The following IGBP1C variants were observed in gnomAD, a reference collection of about 807,000 sequenced individuals.
IGBP1C encodes the protein IGBP1 family member C.
the IGBP1C span, among the ~76,000 whole-genome samples, chr17:58,683,925 C>T: frequency 6.6e-6 from 1 of 150,818 alleles, no homozygotes; most frequent in Non-Finnish European, 1.5e-5. Flanking sequence ...ATTAGCTGGG[C>T]GTGGTGGTGC....
chr17:58,669,659 G>A, the IGBP1C span, among the ~76,000 whole-genome samples: 1 of 146,898 alleles, frequency 6.8e-6, no homozygotes, highest in Non-Finnish European at 1.5e-5. Flanking sequence ...ACTTGAACCT[G>A]GGAGGCAGAG....
At chr17:58,690,937 G>C in the IGBP1C span, among the ~76,000 whole-genome samples, 1 of 152,112 alleles carries the variant, frequency 6.6e-6, no homozygotes, top group Non-Finnish European at 1.5e-5. Flanking sequence ...CGTGATCATA[G>C]CTCACTCCCA....
At chr17:58,672,679 C>T in the IGBP1C span, among the ~76,000 whole-genome samples, 1 of 150,942 alleles carries the variant, frequency 6.6e-6, no homozygotes, top group African/African-American at 2.4e-5. Context: ...TCCTTGGCCA[C>T]CCAAAGTGCT....
the IGBP1C span, among the ~76,000 whole-genome samples, chr17:58,671,834 C>G: frequency 6.6e-6 from 1 of 152,142 alleles, no homozygotes; most frequent in Admixed American, 6.6e-5. Flanking sequence ...CAGAGAAGCT[C>G]ATCCCTCAAT....
chr17:58,661,576 G>A, the IGBP1C span: 1 of 734,704 alleles, frequency 1.4e-6, no homozygotes, highest in Non-Finnish European at 2.5e-6. Context: ...GCGGCGGCAG[G>A]AACTCGTCTT....
chr17:58,670,432 A>T, the IGBP1C span, among the ~76,000 whole-genome samples: 1 of 152,002 alleles, frequency 6.6e-6, no homozygotes, highest in African/African-American at 2.4e-5. Flanking sequence ...ATTAAAAAAA[A>T]AAACAACAAA....
the IGBP1C span, among the ~76,000 whole-genome samples, chr17:58,672,983 C>G: frequency 6.6e-6 from 1 of 151,856 alleles, no homozygotes; most frequent in South Asian, 2.1e-4. Context: ...CTGCTAGCCT[C>G]GAACTCCCAA....
At chr17:58,664,619 A>C in the IGBP1C span, among the ~76,000 whole-genome samples, 2 of 152,136 alleles carry the variant, frequency 1.3e-5, no homozygotes, top group African/African-American at 4.8e-5. Flanking sequence ...GGGAAAACAG[A>C]CTTGCCAGAC....
At chr17:58,662,411 T>C in the IGBP1C span, among the ~76,000 whole-genome samples, 4 of 98,370 alleles carry the variant, frequency 4.1e-5, no homozygotes. Flanking sequence ...ATAGCACACA[T>C]ATCTCACACA....
the IGBP1C span, among the ~76,000 whole-genome samples, chr17:58,664,670 GC>G: frequency 6.6e-6 from 1 of 152,104 alleles, no homozygotes. Flanking sequence ...ATTTTGAAGG[GC>G]CCATACTTTT....
chr17:58,661,558 G>A, the IGBP1C span: 89,699 of 750,612 alleles, frequency 0.12, 8,390 homozygotes, highest in African/African-American at 0.29. Flanking sequence ...ACAGCTCGGG[G>A]AGCCGCGGCG....
chr17:58,677,775 T>C, the IGBP1C span: 1 of 152,306 alleles, frequency 6.6e-6, no homozygotes, highest in Admixed American at 6.5e-5. Context: ...ACCCTCAGAT[T>C]CAAAACACTC....
the IGBP1C span, among the ~76,000 whole-genome samples, chr17:58,671,327 T>C: frequency 6.6e-6 from 1 of 152,176 alleles, no homozygotes; most frequent in Non-Finnish European, 1.5e-5. Context: ...TCCCCTAACA[T>C]ATACACATAG....
At chr17:58,689,451 C>G in the IGBP1C span, among the ~76,000 whole-genome samples, 2 of 151,522 alleles carry the variant, frequency 1.3e-5, no homozygotes, top group Admixed American at 1.3e-4. Flanking sequence ...GATCTCTTGA[C>G]CTCATGATCC....
chr17:58,664,302 T>G, the IGBP1C span, among the ~76,000 whole-genome samples: 1 of 152,210 alleles, frequency 6.6e-6, no homozygotes, highest in South Asian at 2.1e-4. Flanking sequence ...TATGATTATT[T>G]GTGCCCCCTC....
the IGBP1C span, chr17:58,660,816 G>C: frequency 1.3e-6 from 1 of 782,562 alleles, no homozygotes; most frequent in South Asian, 1.3e-5. Context: ...GCCAGACTTG[G>C]ATAGCCAGCG....
chr17:58,686,834 C>T, the IGBP1C span, among the ~76,000 whole-genome samples: 5 of 150,412 alleles, frequency 3.3e-5, no homozygotes, highest in African/African-American at 1.2e-4. Context: ...CTCCTATTCC[C>T]AAACCCACTT....
At chr17:58,687,438 G>A in the IGBP1C span, among the ~76,000 whole-genome samples, 282 of 152,084 alleles carry the variant, frequency 1.9e-3, 1 homozygote, top group African/African-American at 6.5e-3. Flanking sequence ...CCATAGGTCC[G>A]TGCGGGTTAC....
the IGBP1C span, among the ~76,000 whole-genome samples, chr17:58,668,278 C>G: frequency 3.9e-5 from 6 of 152,226 alleles, no homozygotes; most frequent in African/African-American, 1.4e-4. Flanking sequence ...TCCTCCACTA[C>G]AAGACCCCAT....
Sources: allele counts gnomAD v4.1 joint callset (sites outside exome capture counted in the v4.1 genomes callset), GRCh38; gene constraint gnomAD v4.1.1; transcripts MANE v1.5; gene names NCBI Gene and HGNC (gene_info 2026-07-23, HGNC 2026-07-21).